Variants in HIVEP1 observed in about 807,000 individuals in gnomAD.
The protein encoded by HIVEP1 is zinc finger protein 40.
In HIVEP1, 36 loss-of-function variants were observed where a neutral mutation model predicts 180.0. The observed-to-expected ratio is 0.20, with a 90% CI of 0.15 to 0.26. HIVEP1 has a LOEUF of 0.26. Ranked by LOEUF, HIVEP1 falls within the 10% of genes least tolerant of loss-of-function variation. The pLI, the probability that HIVEP1 is intolerant of heterozygous loss-of-function variation, is 1.00. For missense variants in HIVEP1, 3,143 were observed against 3,268.7 expected, an observed-to-expected ratio of 0.96 and a Z score of 0.94; for synonymous variants, 1,239 against 1,239.0, an observed-to-expected ratio of 1.00 and a Z score of 0.00.
chr6:12,129,581 T>G, intron 4 of HIVEP1, 178 bp from the exon 5 acceptor site: 1 of 694,890 alleles, frequency 1.4e-6, no homozygotes, highest in Admixed American at 2.0e-5. Context: ...TTTGCTGTGA[T>G]TGAGACAGAT....
At chr6:12,077,582 C>T (rs904354694) in intron 2 of HIVEP1, among the ~76,000 whole-genome samples, 10 of 152,170 alleles carry the variant, frequency 6.6e-5, no homozygotes, top group African/African-American at 2.4e-4. Flanking sequence ...GGCTGGAGAT[C>T]CACCAGCTGA....
chr6:12,083,455 C>T (rs1182088475), intron 2 of HIVEP1, among the ~76,000 whole-genome samples: 1 of 152,128 alleles, frequency 6.6e-6, no homozygotes, highest in Non-Finnish European at 1.5e-5. Flanking sequence ...ACCCTGGCAA[C>T]TATGTGCTCT....
chr6:12,137,886 G>A (rs937911287), intron 7 of HIVEP1, among the ~76,000 whole-genome samples: 2 of 152,258 alleles, frequency 1.3e-5, no homozygotes, highest in South Asian at 2.1e-4. Flanking sequence ...AAAGTACAAA[G>A]TATTTTGTTG....
intron 2 of HIVEP1, among the ~76,000 whole-genome samples, chr6:12,018,548 T>G (rs935052379): frequency 6.6e-6 from 1 of 152,236 alleles, no homozygotes; most frequent in Non-Finnish European, 1.5e-5. Flanking sequence ...CATGTAACTA[T>G]GTACTATGGT....
chr6:12,093,161 T>A (rs967185942), intron 3 of HIVEP1, among the ~76,000 whole-genome samples: 12 of 152,186 alleles, frequency 7.9e-5, no homozygotes, highest in African/African-American at 2.9e-4. Flanking sequence ...CCTGCTTATT[T>A]AATTTAATAA....
chr6:12,125,281 A>C lies in HIVEP1; in HGVS notation c.5486A>C (p.Asn1829Thr), dbSNP rs1159734249. 1 of 1,613,916 alleles carries C rather than the reference A, an allele frequency of 6.2e-7. No homozygotes were observed. Among genetic ancestry groups the C allele is most frequent in the Non-Finnish European group, 8.5e-7 (1 of 1,179,984 alleles). ...CCTGAAATTAGTAATGAGGCTGTTA[A>C]TTTGACAAATGTTTTACCAGCTGAT... ...SQPEISNEAV[N>T]LTNVLPADNS... The change falls in exon 4 of 9, where the codon AAT (asparagine) becomes ACT (threonine). Residue 1829 changes from asparagine (N) to threonine (T), a missense_variant. By Grantham distance (65) the Asn-to-Thr change is moderately conservative. Transcript: ENST00000379388.
chr6:12,060,307 A>G (rs533589364), intron 2 of HIVEP1, among the ~76,000 whole-genome samples: 2 of 152,234 alleles, frequency 1.3e-5, no homozygotes, highest in South Asian at 2.1e-4. Flanking sequence ...ACTAGCCATT[A>G]TATTTGCTTC....
chr6:12,048,435 C>A (rs1287621594), intron 2 of HIVEP1, among the ~76,000 whole-genome samples: 1 of 152,132 alleles, frequency 6.6e-6, no homozygotes, highest in Non-Finnish European at 1.5e-5. Context: ...AATACTCTAC[C>A]TCTCTCCAGC....
chr6:12,056,284 C>A (rs1770864622), intron 2 of HIVEP1, among the ~76,000 whole-genome samples: 1 of 152,022 alleles, frequency 6.6e-6, no homozygotes, highest in African/African-American at 2.4e-5. Context: ...AATGTACTTA[C>A]TATGTTGTAT....
Position 12,123,467 on chromosome 6 carries a change from A to G in HIVEP1, c.3672A>G (p.Ser1224=). The change falls in exon 4 of 9, where the codon TCA becomes TCG. Residue 1224 remains serine (S), a synonymous_variant. Transcript: ENST00000379388. The stretch of plus-strand genomic sequence containing the variant: ...AACGACATGTGTTAGGACAGCCCTC[A>G]AGACTTGTCCGGCAGCACAACATCC... ...PSERHVLGQP[S]RLVRQHNIQV... 3 of 1,614,202 alleles carry G rather than the reference A, an allele frequency of 1.9e-6. No individual in the cohort carries two copies. The highest frequency in any genetic ancestry group is 2.5e-6 in the Non-Finnish European group (3 of 1,180,042).
the HIVEP1 span, among the ~76,000 whole-genome samples, chr6:12,190,447 T>C: frequency 6.6e-6 from 1 of 152,192 alleles, no homozygotes; most frequent in Non-Finnish European, 1.5e-5. Flanking sequence ...TCCAACTCTA[T>C]TGACCTTCTC....
the HIVEP1 span, among the ~76,000 whole-genome samples, chr6:12,194,780 C>T: frequency 2.0e-5 from 3 of 151,916 alleles, no homozygotes; most frequent in African/African-American, 7.3e-5. Flanking sequence ...CCAGCCTGGG[C>T]GACAGAGCGA....
chr6:12,196,508 C>T, the HIVEP1 span, among the ~76,000 whole-genome samples: 1 of 152,284 alleles, frequency 6.6e-6, no homozygotes, highest in East Asian at 1.9e-4. Flanking sequence ...ATCCTGTTGC[C>T]TCTATCCCAC....
Position 12,091,174 on chromosome 6 carries a change from C to T in HIVEP1, c.94+1937C>T, listed in dbSNP as rs138384331. Among the ~76,000 whole-genome samples, 660 of 152,138 alleles carry T rather than the reference C, an allele frequency of 4.3e-3. 3 individuals are homozygous for T. Among genetic ancestry groups the T allele is most frequent in the Middle Eastern group, 0.014 (4 of 294 alleles). ...TTGAGATTTTTCAAACCTTTTCTTG[C>T]TGATACCTATTTTATTTTAAAGGAT... On this transcript the variant is annotated intron_variant, in intron 3 of 8. Coordinates refer to ENST00000379388, the MANE Select transcript of HIVEP1 (RefSeq NM_002114.4).
rs376318752 is a variant in HIVEP1, at chr6:12,124,300, A to C, written c.4505A>C (p.Asn1502Thr). 2.5e-5 allele frequency: 41 copies of C among 1,613,934 alleles called. No homozygotes were observed. Among genetic ancestry groups the C allele is most frequent in the African/African-American group, 5.3e-5 (4 of 74,892 alleles). Residue 1502 changes from asparagine to threonine, a missense_variant, in exon 4 of 9, where the codon AAC becomes ACC. By Grantham distance (65) the Asn-to-Thr change is moderately conservative. This residue lies in a region of HIVEP1 where 1,357 missense variants were observed against 1,260.5 expected (regional missense o/e 1.08). Coordinates refer to ENST00000379388, the MANE Select transcript of HIVEP1 (RefSeq NM_002114.4). ...QAETSNSSST[N>T]VFPVQQLCDI... is the part of the protein sequence containing the mutation. Reference sequence around the variant, plus strand: ...GAAACATCAAACTCCAGCTCTACCAACGTTTTTCCTGTTCAACAGCTCTGT... The same window carrying C: ...GAAACATCAAACTCCAGCTCTACCACCGTTTTTCCTGTTCAACAGCTCTGT...
intron 4 of HIVEP1, among the ~76,000 whole-genome samples, chr6:12,127,508 G>A (rs1373248087): frequency 1.3e-5 from 2 of 152,240 alleles, no homozygotes; most frequent in Non-Finnish European, 2.9e-5. Flanking sequence ...TGCCTTGGAA[G>A]AAATGTCTGG....
intron 6 of HIVEP1, among the ~76,000 whole-genome samples, chr6:12,132,314 CAAG>C (rs1758465925): frequency 6.6e-6 from 1 of 151,866 alleles, no homozygotes; most frequent in African/African-American, 2.4e-5. Flanking sequence ...CTTTATGAGA[CAAG>C]AAGCATATTT....
Position 12,125,128 on chromosome 6 carries a change from G to T in HIVEP1, c.5333G>T (p.Arg1778Ile). Residue 1778 changes from arginine (R) to isoleucine (I), a missense_variant, in exon 4 of 9, where the codon AGA becomes ATA. By Grantham distance (97) the Arg-to-Ile change is moderately conservative. This residue lies in a region of HIVEP1 where 1,357 missense variants were observed against 1,260.5 expected (regional missense o/e 1.08). Coordinates refer to ENST00000379388, the MANE Select transcript of HIVEP1 (RefSeq NM_002114.4). ...GGAGCTGTTTGTGCAACAGACGTGA[G>T]ACCTTTAGAGGCTTTGAGTTCGAGA... ...ENGAVCATDV[R>I]PLEALSSRVN... 1 of 1,613,374 alleles carries T rather than the reference G, an allele frequency of 6.2e-7. No individual in the cohort carries two copies. The highest frequency in any genetic ancestry group is 1.1e-5 in the South Asian group (1 of 90,826).
At chr6:12,117,490 T>TA (rs1258170954) in intron 3 of HIVEP1, among the ~76,000 whole-genome samples, 4 of 152,248 alleles carry the variant, frequency 2.6e-5, no homozygotes, top group African/African-American at 9.6e-5. Flanking sequence ...TATCTTAACT[T>TA]CAATGTCATT....
Sources: allele counts gnomAD v4.1 joint callset (sites outside exome capture counted in the v4.1 genomes callset), GRCh38; gene constraint gnomAD v4.1.1; regional missense constraint gnomAD v4.1.1; transcripts MANE v1.5; gene names NCBI Gene and HGNC (gene_info 2026-07-23, HGNC 2026-07-21).